The following NIPAL1 variants were observed in gnomAD, a reference collection of about 807,000 sequenced individuals.
The protein encoded by NIPAL1 is NIPA like domain containing 1, also known as magnesium transporter NIPA3.
A neutral mutation model predicts 37.7 loss-of-function variants in NIPAL1; 35 were observed. That is an observed-to-expected ratio of 0.93 (90% CI 0.71 to 1.23). The LOEUF is 1.23. Among genes scored for constraint, NIPAL1 ranks in the 50% most tolerant of loss-of-function variants. The pLI, the probability that NIPAL1 is intolerant of heterozygous loss-of-function variation, is 0.00. For missense variants in NIPAL1, 412 were observed against 473.9 expected (o/e 0.87, Z 1.21); for synonymous variants, 162 against 183.0 (o/e 0.89, Z 0.93).
intron 3 of NIPAL1, among the ~76,000 whole-genome samples, 189 bp from the exon 4 acceptor site, chr4:48,032,804 A>G (rs749630542): frequency 2.0e-5 from 3 of 152,228 alleles, no homozygotes; most frequent in Non-Finnish European, 2.9e-5. Flanking sequence ...ATCACCTGGT[A>G]TTACAGTTTG....
chr4:48,030,310 A>G, intron 3 of NIPAL1, 134 bp downstream of exon 3: 1 of 581,576 alleles, frequency 1.7e-6, no homozygotes, highest in East Asian at 3.3e-5. Flanking sequence ...TTTTTGTGTT[A>G]GTCAATATAT....
chr4:48,024,972 T>C (rs903789139), intron 1 of NIPAL1, 96 bp from the exon 2 acceptor site: 5 of 1,059,374 alleles, frequency 4.7e-6, no homozygotes, highest in Non-Finnish European at 7.1e-6. Context: ...AATGTTTCAG[T>C]ACCATCCACT....
chr4:48,033,111 C>T, intron 4 of NIPAL1, 28 bp downstream of exon 4: 1 of 1,408,300 alleles, frequency 7.1e-7, no homozygotes, highest in South Asian at 1.2e-5. Flanking sequence ...AACTTGGCTT[C>T]TGTAGGTATT....
At chr4:48,030,212 A>G in intron 3 of NIPAL1, 36 bp downstream of exon 3, 1 of 1,254,354 alleles carries the variant, frequency 8.0e-7, no homozygotes, top group African/African-American at 1.5e-5. Context: ...GTTTATTTGT[A>G]AGATAGTAAA....
intron 4 of NIPAL1, 48 bp from the exon 5 acceptor site, chr4:48,034,833 A>C (rs777780378): frequency 2.7e-5 from 39 of 1,468,912 alleles, no homozygotes; most frequent in Non-Finnish European, 3.6e-5. Context: ...CCATGGGATC[A>C]AAAGGTAATT....
Position 48,037,592 on chromosome 4 carries a change from A to T in NIPAL1, c.*1420A>T, listed in dbSNP as rs1053335875. ...ACAAATTATCATAATGGCTCTCTTG[A>T]AATTTTGCACTTTCACCCTTATTAA... On this transcript the variant is annotated 3_prime_UTR_variant, in exon 6 of 6. Coordinates refer to ENST00000295461, the MANE Select transcript of NIPAL1 (RefSeq NM_207330.3). The T allele has an allele frequency of 1.9e-5, 3 of 157,052 alleles. No individual in the cohort carries two copies. Among genetic ancestry groups the T allele is most frequent in the African/African-American group, 7.2e-5 (3 of 41,478 alleles). 9.7% of individuals were successfully genotyped at this position (157,052 alleles called of 1,614,324 possible).
At chr4:48,019,186 T>A (rs112793523) in intron 1 of NIPAL1, among the ~76,000 whole-genome samples, 36,483 of 152,042 alleles carry the variant, frequency 0.24, 5,635 homozygotes, top group Admixed American at 0.33. Context: ...CCCAGCTAAT[T>A]TTTGTATTTT....
rs1055163192 is a variant in NIPAL1 at position 48,027,246 on chromosome 4, G to A, written c.313+1912G>A. ...GTGACTGCAGTCAATAAGTAAAAAGGTTAGTACCCTAACAGAAAATAGACA... is the reference window on the plus strand; with the variant it reads ...GTGACTGCAGTCAATAAGTAAAAAGATTAGTACCCTAACAGAAAATAGACA... On this transcript the variant is annotated intron_variant, in intron 2 of 5. Transcript: ENST00000295461. This position sits in a 1 kb window ranked among gnomAD's most constrained non-coding sequence, Gnocchi z 4.1. 2.0e-5 allele frequency among the ~76,000 whole-genome samples: 3 copies of A among 152,148 alleles called. No homozygotes were observed. The highest frequency in any genetic ancestry group is 4.2e-4 in the South Asian group (2 of 4,816).
chr4:48,033,907 T>G (rs1311403266), intron 4 of NIPAL1, among the ~76,000 whole-genome samples: 1 of 152,204 alleles, frequency 6.6e-6, no homozygotes, highest in African/African-American at 2.4e-5. Context: ...ATAAAGCACT[T>G]CAAACACTTG....
At position 48,025,213 on chromosome 4, in the gene NIPAL1, C is replaced by T. The variant is rs773876613; in HGVS notation, c.192C>T (p.Asn64=). Residue 64 remains asparagine, a synonymous_variant, in exon 2 of 6, where the codon AAC becomes AAT. Coordinates refer to ENST00000295461, the MANE Select transcript of NIPAL1 (RefSeq NM_207330.3). ...TGAGCATTTCAGCAAATGTAGAAAA[C>T]AAATACAGTCTTTATGTGGGCTTGG... ...NNLSISANVE[N]KYSLYVGLVL... The T allele has an allele frequency of 3.1e-6, 5 of 1,614,024 alleles. No individual in the cohort carries two copies. Among genetic ancestry groups the T allele is most frequent in the Non-Finnish European group, 4.2e-6 (5 of 1,180,026 alleles).
In NIPAL1 at chr4:48,038,030, G is replaced by C. The variant is rs927706946; in HGVS notation, c.*1858G>C. ...TCTAAGCTACTTCAAGACTACCTGA[G>C]GTAATAATGGTAAACTTTATTATTC... On this transcript the variant is annotated 3_prime_UTR_variant, in exon 6 of 6. Coordinates refer to ENST00000295461, the MANE Select transcript of NIPAL1 (RefSeq NM_207330.3). 2 of 151,914 alleles carry C rather than the reference G, an allele frequency of 1.3e-5. No homozygotes were observed. The highest frequency in any genetic ancestry group is 4.8e-5 in the African/African-American group (2 of 41,358). 9.4% of individuals were successfully genotyped at this position (151,914 alleles called of 1,614,324 possible).
intron 1 of NIPAL1, among the ~76,000 whole-genome samples, chr4:48,017,384 C>T (rs1053237896): frequency 6.6e-6 from 1 of 152,206 alleles, no homozygotes. Flanking sequence ...GCGCCCGGGG[C>T]CGCGGGGGTG....
At position 48,025,237 on chromosome 4, in the gene NIPAL1, G is replaced by C; in HGVS notation, c.216G>C (p.Leu72Phe). ...ACAAATACAGTCTTTATGTGGGCTT[G>C]GTACTGGCAGTAAGCTCAAGTATTT... ...VENKYSLYVG[L>F]VLAVSSSIFI... is the part of the protein sequence containing the mutation. The change falls in exon 2 of 6, where the codon TTG (leucine) becomes TTC (phenylalanine). Residue 72 changes from leucine to phenylalanine, a missense_variant. Transcript: ENST00000295461. 6.2e-7 allele frequency: 1 copy of C among 1,614,142 alleles called. No individual in the cohort carries two copies. Among genetic ancestry groups the C allele is most frequent in the Non-Finnish European group, 8.5e-7 (1 of 1,179,976 alleles).
intron 1 of NIPAL1, among the ~76,000 whole-genome samples, chr4:48,022,165 A>T (rs893457281): frequency 2.6e-5 from 4 of 152,082 alleles, no homozygotes; most frequent in African/African-American, 4.8e-5. Context: ...GATGTCTTTG[A>T]TTCCTTTAAA....
At position 48,034,908 on chromosome 4, in the gene NIPAL1, C is replaced by T. The variant is rs138156539; in HGVS notation, c.489C>T (p.Asn163=). 3.1e-4 allele frequency: 502 copies of T among 1,612,946 alleles called. 3 individuals are homozygous for T. In the African/African-American group the frequency reaches 3.4e-3, roughly 11 times the overall value. The change falls in exon 5 of 6, where the codon AAC becomes AAT. Residue 163 remains asparagine, a synonymous_variant. Transcript: ENST00000295461. ...ISAILSSYFL[N]EHLNIHGKIG... Reference sequence around the variant, plus strand: ...CAATATTATCTTCCTACTTTTTAAACGAGCACTTGAACATTCATGGGAAAA... The same window carrying T: ...CAATATTATCTTCCTACTTTTTAAATGAGCACTTGAACATTCATGGGAAAA...
At chr4:48,026,171 C>G (rs1715683815) in intron 2 of NIPAL1, among the ~76,000 whole-genome samples, 1 of 152,126 alleles carries the variant, frequency 6.6e-6, no homozygotes, top group African/African-American at 2.4e-5. Context: ...AGAACAGGAA[C>G]CTTCCCTAGC....
At chr4:48,021,081 A>C (rs1446576872) in intron 1 of NIPAL1, among the ~76,000 whole-genome samples, 1 of 152,200 alleles carries the variant, frequency 6.6e-6, no homozygotes, top group East Asian at 1.9e-4. Context: ...TTTTTCTGAA[A>C]TAGAATGCTG....
At chr4:48,024,818 A>T (rs570630496) in intron 1 of NIPAL1, among the ~76,000 whole-genome samples, 1 of 152,282 alleles carries the variant, frequency 6.6e-6, no homozygotes, top group Non-Finnish European at 1.5e-5. Context: ...TATAGGGGGA[A>T]TCCAGGCTTT....
chr4:48,018,975 A>C (rs1715513717), intron 1 of NIPAL1, among the ~76,000 whole-genome samples: 1 of 152,212 alleles, frequency 6.6e-6, no homozygotes, highest in Non-Finnish European at 1.5e-5. Flanking sequence ...AGAACATTCC[A>C]GTTGAACTTC....
Sources: gnomAD v4.1 joint callset for allele counts (sites outside exome capture counted in the v4.1 genomes callset) on GRCh38, gnomAD v4.1.1 for gene constraint, Gnocchi (gnomAD v3.1) non-coding constraint, MANE v1.5 for transcripts, NCBI Gene and HGNC (gene_info 2026-07-23, HGNC 2026-07-21) for gene names.